The following RUFY1 variants were observed in gnomAD, a reference collection of about 807,000 sequenced individuals.
RUFY1 encodes RUN and FYVE domain containing 1.
In RUFY1, 54 loss-of-function variants were observed where a neutral mutation model predicts 94.6. The ratio of observed to expected loss-of-function variants is 0.57; its 90% CI spans 0.46 to 0.72. The LOEUF (loss-of-function observed/expected upper bound fraction) is 0.72, where lower values mean the gene tolerates loss of function less well. Among genes scored for constraint, RUFY1 ranks in the 30% least tolerant of loss-of-function variants. RUFY1 has a pLI of 0.00. For missense variants in RUFY1, 883 were observed against 883.9 expected, an observed-to-expected ratio of 1.00 and a Z score of 0.01; for synonymous variants, 396 against 347.3, an observed-to-expected ratio of 1.14 and a Z score of -1.56.
intron 17 of RUFY1, among the ~76,000 whole-genome samples, 159 bp from the exon 18 acceptor site, chr5:179,609,206 CAAAAAAAAAAA>C (rs5873655): frequency 3.3e-5 from 4 of 121,432 alleles, no homozygotes; most frequent in Non-Finnish European, 4.9e-5. Flanking sequence ...GACTCTATCT[CAAAAAAAAAAA>C]AAAAAAAAGA....
intron 7 of RUFY1, among the ~76,000 whole-genome samples, chr5:179,585,039 GA>G (rs1292379184): frequency 6.6e-6 from 1 of 152,054 alleles, no homozygotes; most frequent in Admixed American, 6.6e-5. Flanking sequence ...GCTGAGGCAG[GA>G]GAATCACCTG....
intron 6 of RUFY1, among the ~76,000 whole-genome samples, chr5:179,580,579 T>C (rs1764080112): frequency 6.6e-6 from 1 of 151,664 alleles, no homozygotes; most frequent in African/African-American, 2.4e-5. Context: ...CAAACTGGCC[T>C]AGACTTTAGA....
chr5:179,593,699 CTT>C, intron 11 of RUFY1, 54 bp downstream of exon 11: 1 of 1,581,458 alleles, frequency 6.3e-7, no homozygotes, highest in Non-Finnish European at 8.6e-7. Context: ...GCTCGCCAGT[CTT>C]GTGTCATTCT....
intron 10 of RUFY1, among the ~76,000 whole-genome samples, chr5:179,592,088 G>C (rs1765164123): frequency 6.6e-6 from 1 of 151,734 alleles, no homozygotes; most frequent in Admixed American, 6.6e-5. Context: ...GGGATTGCAG[G>C]CACCCGCCAC....
intron 12 of RUFY1, 62 bp downstream of exon 12, chr5:179,595,025 A>C: frequency 1.7e-6 from 2 of 1,205,896 alleles, no homozygotes; most frequent in African/African-American, 3.0e-5. Flanking sequence ...GGGCCTGGAG[A>C]CTTATTCAGA....
At chr5:179,591,472 A>C (rs899022619) in intron 9 of RUFY1, among the ~76,000 whole-genome samples, 153 bp from the exon 10 acceptor site, 28 of 152,176 alleles carry the variant, frequency 1.8e-4, no homozygotes, top group African/African-American at 5.5e-4. Context: ...GCGTGAGCCA[A>C]TGCGCCCAGC....
Position 179,567,524 on chromosome 5 carries a change from T to G in RUFY1, c.666T>G (p.Asp222Glu). The change falls in exon 4 of 18, where the codon GAT becomes GAG. Residue 222 changes from aspartate to glutamate, a missense_variant. Coordinates refer to ENST00000319449, the MANE Select transcript of RUFY1 (RefSeq NM_025158.5). Reference protein sequence around the residue: ...YLALMQKKLADYLKVLIDNKH... With the variant: ...YLALMQKKLAEYLKVLIDNKH... ...CACTCATGCAAAAGAAACTGGCAGA[T>G]TATCTGAAAGTGCTTATAGACAATA... is the stretch of plus-strand genomic sequence containing the variant. 2 of 1,613,910 alleles carry G rather than the reference T, an allele frequency of 1.2e-6. No individual in the cohort carries two copies. The highest frequency in any genetic ancestry group is 8.5e-7 in the Non-Finnish European group (1 of 1,179,724).
chr5:179,583,113 G>C (rs1764288406), intron 7 of RUFY1, among the ~76,000 whole-genome samples: 1 of 151,332 alleles, frequency 6.6e-6, no homozygotes, highest in Non-Finnish European at 1.5e-5. Flanking sequence ...GATCAACCTG[G>C]CCAACATGGT....
At position 179,577,135 on chromosome 5, in the gene RUFY1, GAGTA is replaced by G; in HGVS notation, c.890+4_890+7del. The G allele has an allele frequency of 8.5e-7, 1 of 1,177,364 alleles. No individual in the cohort carries two copies. Among genetic ancestry groups the G allele is most frequent in the African/African-American group, 1.5e-5 (1 of 64,724 alleles). 72.9% of individuals were successfully genotyped at this position (1,177,364 alleles called of 1,614,324 possible). On this transcript the variant is annotated splice_donor_variant and splice_donor_region_variant and coding_sequence_variant and intron_variant, in exon 6 of 18. Coordinates refer to ENST00000319449, the MANE Select transcript of RUFY1 (RefSeq NM_025158.5). LOFTEE classifies it high-confidence loss of function. Reference sequence around the variant, plus strand: ...TGTGCAGGATCTTGATGGTGGCAAGGAGTAAGTACTGCGTTGTATGTCACTTTTT... The same window carrying G: ...TGTGCAGGATCTTGATGGTGGCAAGGAGTACTGCGTTGTATGTCACTTTTT...
chr5:179,595,019 C>G, intron 12 of RUFY1, 56 bp downstream of exon 12: 2 of 1,269,132 alleles, frequency 1.6e-6, no homozygotes, highest in East Asian at 2.4e-5. Context: ...TTCCCTGGGC[C>G]TGGAGACTTA....
Position 179,565,158 on chromosome 5 carries a change from G to T in RUFY1, c.603-2303G>T, listed in dbSNP as rs553293244. Among the ~76,000 whole-genome samples the T allele has an allele frequency of 1.6e-4, 23 of 141,078 alleles. No homozygotes were observed. The East Asian group carries it at 3.8e-3, about 23-fold the overall frequency. 92.6% of individuals were successfully genotyped at this position (141,078 alleles called of 152,430 possible). On this transcript the variant is annotated intron_variant, in intron 3 of 17. Transcript: ENST00000319449. ...AGTATATGCCTTTTAATACTTTCTA[G>T]GTTTTCTTTTTTTTTTTTTTTTTTT...
At chr5:179,586,288 A>G (rs1444296471) in intron 8 of RUFY1, 4 of 459,192 alleles carry the variant, frequency 8.7e-6, no homozygotes, top group Non-Finnish European at 8.7e-6. Context: ...GGAGCATGCA[A>G]CCAGCCTCCC....
In RUFY1 at chr5:179,560,019, C is replaced by A; in HGVS notation, c.311-6C>A. On this transcript the variant is annotated splice_region_variant and splice_polypyrimidine_tract_variant and intron_variant, in intron 1 of 17. Coordinates refer to ENST00000319449, the MANE Select transcript of RUFY1 (RefSeq NM_025158.5). ...TAACGAAGCTATCCCTGCTCCTGCCCCACAGCTTCTAAGTGCCAGATGATG... is the reference window on the plus strand; with the variant it reads ...TAACGAAGCTATCCCTGCTCCTGCCACACAGCTTCTAAGTGCCAGATGATG... 2 of 1,612,246 alleles carry A rather than the reference C, an allele frequency of 1.2e-6. No individual in the cohort carries two copies. Among genetic ancestry groups the A allele is most frequent in the South Asian group, 1.1e-5 (1 of 90,884 alleles).
At chr5:179,602,620 A>G (rs1444923574) in intron 15 of RUFY1, 1 of 152,186 alleles carries the variant, frequency 6.6e-6, no homozygotes, top group Admixed American at 6.5e-5. Flanking sequence ...CTGCATTTTC[A>G]ACATAGTGGG....
intron 1 of RUFY1, 105 bp from the exon 2 acceptor site, chr5:179,559,920 C>G (rs1053173310): frequency 2.0e-6 from 3 of 1,480,138 alleles, no homozygotes; most frequent in South Asian, 2.7e-5. Flanking sequence ...GTTCCCTAAG[C>G]AGACCGCCTG....
At chr5:179,585,538 C>T (rs1764538305) in intron 7 of RUFY1, among the ~76,000 whole-genome samples, 1 of 152,178 alleles carries the variant, frequency 6.6e-6, no homozygotes, top group South Asian at 2.1e-4. Flanking sequence ...AAGATCACTC[C>T]ACTGCACTCT....
intron 2 of RUFY1, among the ~76,000 whole-genome samples, chr5:179,561,221 A>AATT (rs1561965900): frequency 9.8e-5 from 14 of 143,562 alleles, no homozygotes; most frequent in Non-Finnish European, 1.8e-4. Context: ...AAAAATAAAT[A>AATT]AATAAATAAA....
At chr5:179,602,099 G>C in intron 15 of RUFY1, 113 bp downstream of exon 15, 1 of 808,426 alleles carries the variant, frequency 1.2e-6, no homozygotes, top group Admixed American at 2.2e-5. Context: ...CCATTTAGGA[G>C]CTCAGTCCGC....
At chr5:179,608,140 G>A (rs965553627) in intron 17 of RUFY1, 2 of 246,786 alleles carry the variant, frequency 8.1e-6, no homozygotes, top group African/African-American at 4.6e-5. Flanking sequence ...TGGGTCTAGG[G>A]TTGACTGGGC....
Sources: gnomAD v4.1 joint callset for allele counts (sites outside exome capture counted in the v4.1 genomes callset) on GRCh38, gnomAD v4.1.1 for gene constraint, MANE v1.5 for transcripts, NCBI Gene and HGNC (gene_info 2026-07-23, HGNC 2026-07-21) for gene names.